MAML3: variants seen among roughly 807,000 people sequenced by gnomAD.
MAML3 encodes the protein mastermind-like protein 3.
In MAML3, 27 loss-of-function variants were observed where a neutral mutation model predicts 101.9. The ratio of observed to expected loss-of-function variants is 0.27; its 90% confidence interval spans 0.20 to 0.37. MAML3 has a LOEUF of 0.37. Among genes scored for constraint, MAML3 ranks in the 10% least tolerant of loss-of-function variants. The pLI is 1.00. For synonymous variants in MAML3, 501 were observed against 555.9 expected (o/e 0.90, Z 1.39); for missense variants, 1,316 against 1,444.9 (o/e 0.91, Z 1.45).
chr4:140,113,538 A>G (rs781218150), intron 1 of MAML3, among the ~76,000 whole-genome samples: 43 of 152,046 alleles, frequency 2.8e-4, no homozygotes, highest in Non-Finnish European at 5.0e-4. Flanking sequence ...GTTTTGGGAG[A>G]GTCAGATCTT....
At chr4:140,132,825 T>G (rs1728817917) in intron 1 of MAML3, among the ~76,000 whole-genome samples, 1 of 152,234 alleles carries the variant, frequency 6.6e-6, no homozygotes, top group South Asian at 2.1e-4. Flanking sequence ...TAATTTTAGT[T>G]TCACAAAGAC....
chr4:140,052,885 T>C (rs1416669875), intron 1 of MAML3, among the ~76,000 whole-genome samples: 1 of 152,174 alleles, frequency 6.6e-6, no homozygotes. Flanking sequence ...CTCAAAATAT[T>C]CTTATATCTG....
intron 1 of MAML3, among the ~76,000 whole-genome samples, chr4:139,999,561 TAAG>T (rs973269674): frequency 2.6e-5 from 4 of 152,234 alleles, no homozygotes; most frequent in African/African-American, 7.2e-5. Flanking sequence ...TTTGCTTTCT[TAAG>T]AAGATTTGTT....
Position 140,098,653 on chromosome 4 carries a change from A to C in MAML3, c.468+54207T>G, listed in dbSNP as rs1438417948. 5.3e-5 allele frequency among the ~76,000 whole-genome samples: 8 copies of C among 152,232 alleles called. No individual in the cohort carries two copies. The East Asian group carries it at 1.2e-3, about 22-fold the overall frequency. On this transcript the variant is annotated intron_variant, in intron 1 of 4. Transcript: ENST00000509479. ...CAATATCTCATGGTGCTCTGCACCA[A>C]GGATTGAATTTTCAAGTGAGATTCA...
chr4:139,865,497 T>TTG (rs1278122678), intron 2 of MAML3, among the ~76,000 whole-genome samples: 19 of 94,444 alleles, frequency 2.0e-4, no homozygotes, highest in African/African-American at 8.0e-4. Context: ...TTTTTTTTTG[T>TTG]TTTTTTTTTT....
chr4:139,824,410 T>G (rs893054626), intron 2 of MAML3, among the ~76,000 whole-genome samples: 1 of 152,206 alleles, frequency 6.6e-6, no homozygotes, highest in Admixed American at 6.5e-5. Context: ...CGTCTCCCAG[T>G]TGCTGAGAGG....
intron 1 of MAML3, among the ~76,000 whole-genome samples, chr4:139,942,790 T>C (rs943414767): frequency 6.6e-6 from 1 of 152,182 alleles, no homozygotes; most frequent in African/African-American, 2.4e-5. Context: ...AACTGAATCG[T>C]GATTTGGTCC....
intron 1 of MAML3, among the ~76,000 whole-genome samples, chr4:139,942,219 C>A (rs937963376): frequency 3.4e-5 from 5 of 146,434 alleles, no homozygotes; most frequent in Non-Finnish European, 6.1e-5. Flanking sequence ...GGAAGGAAGA[C>A]ATCCTTTAAT....
At chr4:139,939,147 C>G (rs1047606888) in intron 1 of MAML3, among the ~76,000 whole-genome samples, 1 of 152,252 alleles carries the variant, frequency 6.6e-6, no homozygotes, top group African/African-American at 2.4e-5. Flanking sequence ...TACATCTCAT[C>G]TGAGGCTACC....
chr4:139,879,122 G>A (rs930156031), intron 2 of MAML3, among the ~76,000 whole-genome samples: 1 of 152,180 alleles, frequency 6.6e-6, no homozygotes, highest in Non-Finnish European at 1.5e-5. Context: ...ATTTAGCAAT[G>A]AAATAAACAC....
At chr4:139,902,657 A>T (rs1365590190) in intron 1 of MAML3, among the ~76,000 whole-genome samples, 2 of 152,226 alleles carry the variant, frequency 1.3e-5, no homozygotes, top group African/African-American at 4.8e-5. Flanking sequence ...CGTAAACAGC[A>T]GAGCTCTGGA....
intron 2 of MAML3, among the ~76,000 whole-genome samples, chr4:139,830,083 A>T (rs1375284357): frequency 6.6e-6 from 1 of 152,188 alleles, no homozygotes; most frequent in Non-Finnish European, 1.5e-5. Flanking sequence ...CGTAGGAACA[A>T]AGTGGAGGTT....
chr4:139,924,973 C>T (rs79929378), intron 1 of MAML3, among the ~76,000 whole-genome samples: 1,597 of 145,358 alleles, frequency 0.011, 38 homozygotes, highest in African/African-American at 0.039. Context: ...AACTCCGGTT[C>T]GGTGACCTTT....
At chr4:139,797,327 G>A (rs745372582) in intron 2 of MAML3, among the ~76,000 whole-genome samples, 2 of 152,176 alleles carry the variant, frequency 1.3e-5, no homozygotes, top group Non-Finnish European at 2.9e-5. Context: ...AGGATGTGGG[G>A]TCAGAAAAGT....
chr4:139,933,796 C>A (rs759741373), intron 1 of MAML3, among the ~76,000 whole-genome samples: 13 of 152,160 alleles, frequency 8.5e-5, no homozygotes, highest in Non-Finnish European at 1.2e-4. Flanking sequence ...CCTTCCGCTT[C>A]CTGAGGTCAG....
At position 140,020,183 on chromosome 4, in the gene MAML3, G is replaced by C. The variant is rs146010183; in HGVS notation, c.469-129216C>G. Among the ~76,000 whole-genome samples the C allele has an allele frequency of 2.4e-3, 366 of 152,150 alleles. 2 individuals are homozygous for C. The highest frequency in any genetic ancestry group is 8.5e-3 in the African/African-American group (352 of 41,504). On this transcript the variant is annotated intron_variant, in intron 1 of 4. Transcript: ENST00000509479. ...GGTCATTACCTGCCCTGTTTATTCA[G>C]TGTTAAGTATTAACAAGGCCTGTGC...
At chr4:139,749,557 G>A (rs1228905357) in intron 2 of MAML3, among the ~76,000 whole-genome samples, 1 of 152,168 alleles carries the variant, frequency 6.6e-6, no homozygotes, top group African/African-American at 2.4e-5. Context: ...TCAAGGGGGT[G>A]GGGGGCGCCG....
At chr4:139,967,893 A>G (rs1312699700) in intron 1 of MAML3, among the ~76,000 whole-genome samples, 1 of 151,226 alleles carries the variant, frequency 6.6e-6, no homozygotes, top group African/African-American at 2.4e-5. Context: ...CCTAGGCTCC[A>G]CATGACTTTC....
At chr4:139,993,245 G>C (rs375977068) in intron 1 of MAML3, among the ~76,000 whole-genome samples, 2 of 151,576 alleles carry the variant, frequency 1.3e-5, no homozygotes, top group East Asian at 3.9e-4. Flanking sequence ...TCAGCTGCTC[G>C]GGAGGCTGAG....
Sources: gnomAD v4.1 joint callset for allele counts (sites outside exome capture counted in the v4.1 genomes callset) on GRCh38, gnomAD v4.1.1 for gene constraint, MANE v1.5 for transcripts, NCBI Gene and HGNC (gene_info 2026-07-23, HGNC 2026-07-21) for gene names.